PLCH2: variants seen among roughly 807,000 people sequenced by gnomAD.
PLCH2 encodes the protein 1-phosphatidylinositol 4,5-bisphosphate phosphodiesterase eta-2.
A neutral mutation model predicts 134.7 loss-of-function variants in PLCH2; 98 were observed. The observed-to-expected ratio is 0.73, with a 90% CI of 0.62 to 0.86. The LOEUF is 0.86. Among genes scored for constraint, PLCH2 ranks in the 40% least tolerant of loss-of-function variants. The pLI is 0.00. For synonymous variants in PLCH2, 974 were observed against 827.5 expected, an observed-to-expected ratio of 1.18 and a Z score of -3.04; for missense variants, 1,994 against 1,986.6, an observed-to-expected ratio of 1.00 and a Z score of -0.07.
At chr1:2,499,060 C>T (rs775862741) in intron 18 of PLCH2, 24 bp from the exon 19 acceptor site, 3 of 1,598,738 alleles carry the variant, frequency 1.9e-6, no homozygotes, top group Non-Finnish European at 2.6e-6. Context: ...CCATGGGACA[C>T]TCCTCCTGGC....
chr1:2,449,350 T>C (rs1220250172), intron 2 of PLCH2, among the ~76,000 whole-genome samples: 2 of 152,058 alleles, frequency 1.3e-5, no homozygotes, highest in African/African-American at 4.8e-5. Flanking sequence ...AATTTATCTG[T>C]GTGTGGTGGC....
At chr1:2,418,381 T>C in the PLCH2 span, among the ~76,000 whole-genome samples, 6 of 151,866 alleles carry the variant, frequency 4.0e-5, no homozygotes, top group Non-Finnish European at 8.8e-5. Context: ...GGGTCAGGCA[T>C]GGGGGCTCCT....
chr1:2,422,430 G>A (rs35799953), upstream of PLCH2, among the ~76,000 whole-genome samples: 1 of 152,062 alleles, frequency 6.6e-6, no homozygotes, highest in Non-Finnish European at 1.5e-5. Context: ...CTGCATCTGC[G>A]TTGCATCTGT....
intron 21 of PLCH2, chr1:2,503,553 C>T: frequency 1.5e-6 from 1 of 675,844 alleles, no homozygotes; most frequent in Non-Finnish European, 2.7e-6. Context: ...CCCACACCAC[C>T]CTGCCCCTCC....
intron 2 of PLCH2, among the ~76,000 whole-genome samples, chr1:2,450,352 C>T (rs1640133667): frequency 6.6e-6 from 1 of 152,096 alleles, no homozygotes; most frequent in African/African-American, 2.4e-5. Context: ...CCAGGACGTG[C>T]CCCACTTTTC....
At chr1:2,469,298 G>A (rs919587984) in intron 1 of PLCH2, among the ~76,000 whole-genome samples, 8 of 152,218 alleles carry the variant, frequency 5.3e-5, no homozygotes, top group Non-Finnish European at 1.2e-4. Context: ...TCTGCAGCTG[G>A]CCAGGGAAGG....
At position 2,504,977 on chromosome 1, in the gene PLCH2, T is replaced by C. The variant is rs1321494411; in HGVS notation, c.4015T>C (p.Ser1339Pro). The C allele has an allele frequency of 5.2e-6, 8 of 1,548,336 alleles. No homozygotes were observed. Among genetic ancestry groups the C allele is most frequent in the South Asian group, 1.2e-5 (1 of 84,380 alleles). ...AGGPGFVRRS[S>P]SRSHSRVRAI... ...GGGCCCTGGTTTTGTGCGGCGCTCCTCCTCCCGCAGCCACAGCCGCGTGCG... is the reference window on the plus strand; with the variant it reads ...GGGCCCTGGTTTTGTGCGGCGCTCCCCCTCCCGCAGCCACAGCCGCGTGCG... The change falls in exon 22 of 22, where the codon TCC becomes CCC. Residue 1339 changes from serine to proline, a missense_variant. Ser to Pro is a moderately conservative substitution (Grantham distance 74). Around this residue, in one of 2 missense-constraint regions of PLCH2, gnomAD observed 900 missense variants for 752.3 expected, o/e 1.20. Transcript: ENST00000378486.
chr1:2,487,249 G>A lies in PLCH2; in HGVS notation c.987G>A (p.Thr329=), dbSNP rs1413057449. Reference sequence around the variant, plus strand: ...ACCACCATGTGCACCAGGACATGACGCAGCCGCTGAGCCACTACTTCATCA... The same window carrying A: ...ACCACCATGTGCACCAGGACATGACACAGCCGCTGAGCCACTACTTCATCA... The part of the protein sequence containing the change: ...PEHHHVHQDM[T]QPLSHYFITS... Residue 329 remains threonine (T), a synonymous_variant, in exon 7 of 22, where the codon ACG becomes ACA. Transcript: ENST00000378486. 8.7e-6 allele frequency: 14 copies of A among 1,611,222 alleles called. No individual in the cohort carries two copies. Among genetic ancestry groups the A allele is most frequent in the South Asian group, 5.5e-5 (5 of 90,558 alleles).
At position 2,498,537 on chromosome 1, in the gene PLCH2, A is replaced by G; in HGVS notation, c.2239A>G (p.Asn747Asp). ...CATCCCCTCAGGCGTGTTCAACCCC[A>G]ACTCGGAGGACCCCCTGCCCGGGCA... is the stretch of plus-strand genomic sequence containing the variant. ...GCMCQGVFNPNSEDPLPGQLK... is the reference protein window; with the variant it reads ...GCMCQGVFNPDSEDPLPGQLK... Residue 747 changes from asparagine to aspartate, a missense_variant, in exon 17 of 22, where the codon AAC (asparagine) becomes GAC (aspartate). Transcript: ENST00000378486. The surrounding 1 kb of genome is among the most constrained non-coding windows in gnomAD (Gnocchi z 5.4). 1 of 1,607,876 alleles carries G rather than the reference A, an allele frequency of 6.2e-7. No homozygotes were observed. Among genetic ancestry groups the G allele is most frequent in the Non-Finnish European group, 8.5e-7 (1 of 1,178,896 alleles).
At chr1:2,425,246 AACACACACATACATAC>A (rs1257398024), upstream of PLCH2, among the ~76,000 whole-genome samples, 1 of 143,728 alleles carries the variant, frequency 7.0e-6, no homozygotes, top group Non-Finnish European at 1.5e-5. Flanking sequence ...ACACATATGT[AACACACACATACATAC>A]ACACATATAC....
intron 4 of PLCH2, among the ~76,000 whole-genome samples, chr1:2,481,090 A>T (rs1041074206): frequency 6.6e-6 from 1 of 152,182 alleles, no homozygotes; most frequent in Non-Finnish European, 1.5e-5. Context: ...ACAGGCACAC[A>T]CATGCACACA....
chr1:2,478,694 G>A, intron 2 of PLCH2, 72 bp downstream of exon 2: 1 of 1,453,220 alleles, frequency 6.9e-7, no homozygotes. Context: ...CCCTCCCAGG[G>A]CAGCCACTGA....
intron 16 of PLCH2, 57 bp downstream of exon 16, chr1:2,497,666 G>T: frequency 8.3e-7 from 1 of 1,210,038 alleles, no homozygotes; most frequent in Non-Finnish European, 1.2e-6. Flanking sequence ...GGCCTCCTGG[G>T]TGTCCCCAGA....
intron 1 of PLCH2, 79 bp from the exon 2 acceptor site, chr1:2,478,397 G>C (rs535411293): frequency 1.9e-6 from 3 of 1,544,910 alleles, no homozygotes; most frequent in Admixed American, 3.4e-5. Context: ...AGGAGTGGCC[G>C]TGCCTCCGCT....
intron 8 of PLCH2, among the ~76,000 whole-genome samples, chr1:2,488,660 T>C (rs1642404777): frequency 6.6e-6 from 1 of 152,252 alleles, no homozygotes; most frequent in African/African-American, 2.4e-5. Context: ...AAGCTTATAA[T>C]TAAAAGTCCC....
At chr1:2,468,849 G>T (rs765133974) in intron 1 of PLCH2, among the ~76,000 whole-genome samples, 6 of 152,182 alleles carry the variant, frequency 3.9e-5, no homozygotes, top group Non-Finnish European at 7.4e-5. Context: ...GGGCAAGAGG[G>T]ATAGCATGGG....
intron 11 of PLCH2, among the ~76,000 whole-genome samples, chr1:2,491,715 G>A (rs1318573893): frequency 6.6e-6 from 1 of 152,274 alleles, no homozygotes; most frequent in East Asian, 1.9e-4. Context: ...CAGGCAGGGT[G>A]GGCCGGGTCC....
chr1:2,504,839 G>A lies in PLCH2; in HGVS notation c.3877G>A (p.Gly1293Arg), dbSNP rs530662540. The A allele has an allele frequency of 4.4e-6, 7 of 1,605,952 alleles. No homozygotes were observed. In the South Asian group the frequency reaches 7.7e-5, roughly 18 times the overall value. Residue 1293 changes from glycine to arginine, a missense_variant, in exon 22 of 22, where the codon GGG becomes AGG. Transcript: ENST00000378486. ...PGGTRRVSGPGVRRDTLTEQL... is the reference protein window; with the variant it reads ...PGGTRRVSGPRVRRDTLTEQL... Reference sequence around the variant, plus strand: ...AGGGACACGGCGGGTGTCGGGGCCAGGGGTGAGACGGGACACCCTGACAGA... The same window carrying A: ...AGGGACACGGCGGGTGTCGGGGCCAAGGGTGAGACGGGACACCCTGACAGA...
At chr1:2,489,970 G>A (rs973378770) in intron 10 of PLCH2, 103 bp downstream of exon 10, 23 of 873,574 alleles carry the variant, frequency 2.6e-5, no homozygotes, top group Middle Eastern at 2.7e-4. Flanking sequence ...AGGCATCCGG[G>A]AGAGAGGGAC....
Sources: allele counts gnomAD v4.1 joint callset (sites outside exome capture counted in the v4.1 genomes callset), GRCh38; gene constraint gnomAD v4.1.1; regional missense constraint gnomAD v4.1.1; non-coding constraint Gnocchi (gnomAD v3.1); transcripts MANE v1.5; gene names NCBI Gene and HGNC (gene_info 2026-07-23, HGNC 2026-07-21).